Variants in SLC9C1 observed in about 807,000 individuals in gnomAD.
SLC9C1 encodes sodium/hydrogen exchanger 10.
Under a neutral mutation model 140.9 loss-of-function variants are expected in SLC9C1, and 97 were observed. The ratio of observed to expected loss-of-function variants is 0.69; its 90% CI spans 0.58 to 0.82. The LOEUF is 0.82. SLC9C1 is among the 40% of genes least tolerant of loss of function. The probability of loss-of-function intolerance (pLI) is 0.00; values close to 1 mark genes in which losing one functional copy is unlikely to be tolerated. For missense variants in SLC9C1, 1,340 were observed against 1,389.3 expected (o/e 0.96, Z 0.56); for synonymous variants, 440 against 442.6 (o/e 0.99, Z 0.07).
chr3:112,224,658 T>C (rs1481349620), intron 13 of SLC9C1, among the ~76,000 whole-genome samples: 3 of 150,932 alleles, frequency 2.0e-5, no homozygotes, highest in East Asian at 3.9e-4. Context: ...AAAAATACAA[T>C]TGAGAGCTTT....
At chr3:112,185,856 C>A (rs113370398) in intron 20 of SLC9C1, 142,638 of 1,587,850 alleles carry the variant, frequency 0.09, 6,154 homozygotes, top group East Asian at 0.21. Flanking sequence ...CGGGACTGCG[C>A]GGCACAGCTC....
intron 1 of SLC9C1, among the ~76,000 whole-genome samples, chr3:112,292,543 T>C (rs1482614019): frequency 6.6e-6 from 1 of 152,090 alleles, no homozygotes; most frequent in Non-Finnish European, 1.5e-5. Context: ...ATAAACAGGT[T>C]TTCTTTTTTT....
chr3:112,231,268 T>A, intron 13 of SLC9C1, 93 bp downstream of exon 13: 1 of 1,471,546 alleles, frequency 6.8e-7, no homozygotes, highest in African/African-American at 1.4e-5. Context: ...AAACAATCTA[T>A]TAAGTGAGCA....
intron 28 of SLC9C1, among the ~76,000 whole-genome samples, chr3:112,150,277 T>G (rs1282894966): frequency 6.6e-6 from 1 of 152,198 alleles, no homozygotes; most frequent in Non-Finnish European, 1.5e-5. Flanking sequence ...ATCCCAGGTC[T>G]GGGAAAATGT....
chr3:112,281,875 G>A (rs765765771), intron 2 of SLC9C1, among the ~76,000 whole-genome samples: 3 of 152,208 alleles, frequency 2.0e-5, no homozygotes, highest in Non-Finnish European at 4.4e-5. Context: ...TGGAGACAAT[G>A]CTCCAAAGAG....
intron 15 of SLC9C1, among the ~76,000 whole-genome samples, chr3:112,210,916 T>C (rs1272861008): frequency 6.6e-6 from 1 of 152,212 alleles, no homozygotes; most frequent in Non-Finnish European, 1.5e-5. Context: ...CTAAGGTTTA[T>C]AGTGGATGTT....
At chr3:112,150,599 G>T (rs887136191) in intron 28 of SLC9C1, among the ~76,000 whole-genome samples, 14 of 151,802 alleles carry the variant, frequency 9.2e-5, no homozygotes, top group African/African-American at 3.4e-4. Context: ...CTACTTCAAA[G>T]TGGCTGAGGC....
intron 26 of SLC9C1, among the ~76,000 whole-genome samples, chr3:112,155,314 ACTT>A (rs2075099245): frequency 6.6e-6 from 1 of 152,202 alleles, no homozygotes; most frequent in Non-Finnish European, 1.5e-5. Flanking sequence ...ATCCCAAAAT[ACTT>A]TTATATTAAT....
chr3:112,251,721 C>A (rs1312209880), intron 10 of SLC9C1, among the ~76,000 whole-genome samples: 2 of 152,118 alleles, frequency 1.3e-5, no homozygotes, highest in Admixed American at 1.3e-4. Context: ...TGTTTCATAG[C>A]CTTAGCCATT....
chr3:112,225,664 A>G (rs1239314621), intron 13 of SLC9C1, among the ~76,000 whole-genome samples: 2 of 152,130 alleles, frequency 1.3e-5, no homozygotes, highest in African/African-American at 4.8e-5. Context: ...CACACTGCCT[A>G]TGCCTATTAA....
intron 10 of SLC9C1, among the ~76,000 whole-genome samples, chr3:112,255,825 CAGAT>C (rs2079591028): frequency 6.6e-6 from 1 of 151,860 alleles, no homozygotes; most frequent in Non-Finnish European, 1.5e-5. Context: ...ATTAATAAGA[CAGAT>C]AAGCTTCTAG....
intron 11 of SLC9C1, among the ~76,000 whole-genome samples, chr3:112,243,372 A>G (rs552402554): frequency 4.3e-4 from 66 of 152,226 alleles, no homozygotes; most frequent in Non-Finnish European, 9.1e-4. Flanking sequence ...CGCAACATGG[A>G]TAAAGCCAGA....
chr3:112,166,034 T>A (rs2077126032), intron 26 of SLC9C1, among the ~76,000 whole-genome samples: 1 of 138,066 alleles, frequency 7.2e-6, no homozygotes, highest in Non-Finnish European at 1.6e-5. Context: ...GTGCTAGCAG[T>A]GAGTGAGGCT....
Position 112,169,299 on chromosome 3 carries a change from A to T in SLC9C1, c.2949T>A (p.Tyr983Ter), listed in dbSNP as rs1054571244. The change falls in exon 24 of 29, where the codon TAT becomes TAA. Residue 983 changes from tyrosine to a stop codon, truncating the protein, a stop_gained. Coordinates refer to ENST00000305815, the MANE Select transcript of SLC9C1 (RefSeq NM_183061.3). LOFTEE classifies it high-confidence loss of function. Reference sequence around the variant, plus strand: ...GAGGAGAGCATTGCTCAAAAGCATCATACAAGTGAGTTTTGGGAATAAAAC... The same window carrying T: ...GAGGAGAGCATTGCTCAAAAGCATCTTACAAGTGAGTTTTGGGAATAAAAC... ...ETCFIPKTHLYDAFEQCSPLI... is the reference protein window; with the variant it reads ...ETCFIPKTHL 12 of 1,611,116 alleles carry T rather than the reference A, an allele frequency of 7.4e-6. No individual in the cohort carries two copies. In the Admixed American group the frequency reaches 1.7e-4, roughly 23 times the overall value.
At chr3:112,216,001 A>G (rs1429810924) in intron 15 of SLC9C1, among the ~76,000 whole-genome samples, 1 of 152,240 alleles carries the variant, frequency 6.6e-6, no homozygotes, top group Non-Finnish European at 1.5e-5. Flanking sequence ...CTGGTACCAA[A>G]ACAGAGATAT....
chr3:112,211,170 AAG>A (rs1223080261), intron 15 of SLC9C1, among the ~76,000 whole-genome samples: 1 of 152,258 alleles, frequency 6.6e-6, no homozygotes, highest in Non-Finnish European at 1.5e-5. Flanking sequence ...AATTTTTAAA[AAG>A]AAATTTCATT....
intron 13 of SLC9C1, among the ~76,000 whole-genome samples, chr3:112,222,985 G>A (rs11919901): frequency 0.3 from 44,972 of 151,884 alleles, 7,212 homozygotes; most frequent in East Asian, 0.43. Context: ...AAGTAGACAA[G>A]AGACACTAGC....
intron 26 of SLC9C1, among the ~76,000 whole-genome samples, chr3:112,166,845 T>C (rs1053058986): frequency 2.0e-5 from 3 of 152,172 alleles, no homozygotes; most frequent in African/African-American, 7.2e-5. Context: ...GTAAGAAGAA[T>C]AGGCTTTATA....
At chr3:112,260,910 T>C (rs1158827081) in intron 10 of SLC9C1, among the ~76,000 whole-genome samples, 1 of 152,100 alleles carries the variant, frequency 6.6e-6, no homozygotes, top group Non-Finnish European at 1.5e-5. Flanking sequence ...GAAATTTAAA[T>C]TTCTGGTGCT....
Sources: allele counts gnomAD v4.1 joint callset (sites outside exome capture counted in the v4.1 genomes callset), GRCh38; gene constraint gnomAD v4.1.1; transcripts MANE v1.5; gene names NCBI Gene and HGNC (gene_info 2026-07-23, HGNC 2026-07-21).